The following KAZN variants were observed in gnomAD, a reference collection of about 807,000 sequenced individuals.
KAZN encodes the protein kazrin.
In KAZN, 40 loss-of-function variants were observed where a neutral mutation model predicts 87.4. The observed-to-expected ratio is 0.46, with a 90% confidence interval of 0.36 to 0.60. The LOEUF is 0.60. Among genes scored for constraint, KAZN ranks in the 20% least tolerant of loss-of-function variants. KAZN has a pLI of 0.00. For missense variants in KAZN, 898 were observed against 1,073.9 expected (o/e 0.84, Z 2.29); for synonymous variants, 466 against 458.3 (o/e 1.02, Z -0.22).
chr1:14,658,603 T>C (rs1280444434), intron 1 of KAZN, among the ~76,000 whole-genome samples: 2 of 151,962 alleles, frequency 1.3e-5, no homozygotes, highest in East Asian at 3.9e-4. Context: ...ACTTGGAAAA[T>C]ATATGTATAT....
intron 2 of KAZN, chr1:14,349,217 T>G (rs545308925): frequency 6.6e-6 from 1 of 152,186 alleles, no homozygotes; most frequent in Admixed American, 6.5e-5. Context: ...GAGGGATACA[T>G]GGCTGGGAGC....
At chr1:13,912,972 C>T (rs116689849) in intron 1 of KAZN, among the ~76,000 whole-genome samples, 3,966 of 152,212 alleles carry the variant, frequency 0.026, 171 homozygotes, top group African/African-American at 0.089. Context: ...AAAACCTGGG[C>T]GGGGACCAGG....
At chr1:14,339,668 G>A (rs968789000) in intron 2 of KAZN, among the ~76,000 whole-genome samples, 2 of 152,154 alleles carry the variant, frequency 1.3e-5, no homozygotes, top group African/African-American at 4.8e-5. Context: ...GCCTTCAACT[G>A]ACTGAATTAG....
intron 2 of KAZN, 117 bp downstream of exon 2, chr1:14,960,992 T>G: frequency 9.2e-7 from 1 of 1,082,490 alleles, no homozygotes; most frequent in Non-Finnish European, 1.3e-6. Flanking sequence ...AGCACCCACC[T>G]CCAGCTGTGG....
At chr1:14,374,438 C>G (rs564342553) in intron 2 of KAZN, among the ~76,000 whole-genome samples, 13 of 152,208 alleles carry the variant, frequency 8.5e-5, no homozygotes, top group African/African-American at 2.4e-4. Context: ...CCCCTTCAGG[C>G]AAGGATGAGG....
intron 2 of KAZN, among the ~76,000 whole-genome samples, chr1:14,372,781 C>A (rs555870593): frequency 6.2e-4 from 94 of 152,330 alleles, no homozygotes; most frequent in African/African-American, 2.2e-3. Flanking sequence ...TATTCACTCA[C>A]AATACATGTA....
chr1:15,110,570 T>C (rs1641568565), intron 13 of KAZN, among the ~76,000 whole-genome samples: 1 of 152,136 alleles, frequency 6.6e-6, no homozygotes, highest in Non-Finnish European at 1.5e-5. Flanking sequence ...TGTGTGTGTA[T>C]CCTCTCATTT....
chr1:14,345,907 A>G (rs561898375), intron 2 of KAZN, among the ~76,000 whole-genome samples: 102 of 152,322 alleles, frequency 6.7e-4, no homozygotes, highest in Non-Finnish European at 9.8e-4. Context: ...AGCAAAAAGA[A>G]GTTCTCTCAG....
At chr1:13,917,755 C>G (rs561000755) in intron 1 of KAZN, among the ~76,000 whole-genome samples, 29 of 136,064 alleles carry the variant, frequency 2.1e-4, no homozygotes, top group Admixed American at 2.0e-3. Context: ...TGTGTTTACA[C>G]GACAGCACTC....
intron 2 of KAZN, among the ~76,000 whole-genome samples, chr1:14,586,551 T>C (rs1284066644): frequency 7.1e-6 from 1 of 140,008 alleles, no homozygotes; most frequent in Non-Finnish European, 1.5e-5. Flanking sequence ...TTTTTAGAGA[T>C]AGAGTCTTAT....
chr1:14,094,679 C>A lies in KAZN; in HGVS notation c.92-85756C>A, dbSNP rs141691186. Reference sequence around the variant, plus strand: ...CCAACCCCACAAAATCTATATATTTCTATGTATCTGTATTTATGGAATCTT... The same window carrying A: ...CCAACCCCACAAAATCTATATATTTATATGTATCTGTATTTATGGAATCTT... On this transcript the variant is annotated intron_variant, in intron 1 of 16. Transcript: ENST00000636203. Among the ~76,000 whole-genome samples the A allele has an allele frequency of 2.1e-3, 324 of 152,266 alleles. 1 individual carries two copies. The highest frequency in any genetic ancestry group is 7.1e-3 in the African/African-American group (295 of 41,566).
At chr1:14,137,861 A>T (rs991946296) in intron 1 of KAZN, among the ~76,000 whole-genome samples, 3 of 152,002 alleles carry the variant, frequency 2.0e-5, no homozygotes, top group Non-Finnish European at 4.4e-5. Context: ...GGCTTGTGCC[A>T]CCACGCCCAG....
intron 1 of KAZN, among the ~76,000 whole-genome samples, chr1:13,979,755 C>T (rs548170126): frequency 2.0e-5 from 3 of 151,962 alleles, no homozygotes; most frequent in East Asian, 1.9e-4. Flanking sequence ...GGTGAAACCC[C>T]GTCTCTACTA....
At chr1:13,985,676 C>T (rs1638984948) in intron 1 of KAZN, among the ~76,000 whole-genome samples, 1 of 151,858 alleles carries the variant, frequency 6.6e-6, no homozygotes, top group Non-Finnish European at 1.5e-5. Flanking sequence ...ACAGTCACTG[C>T]CCATTTTCCT....
At chr1:14,985,827 C>A (rs1666752929) in intron 2 of KAZN, among the ~76,000 whole-genome samples, 1 of 151,738 alleles carries the variant, frequency 6.6e-6, no homozygotes, top group Non-Finnish European at 1.5e-5. Context: ...CATAGTGAAA[C>A]CCTCATCTCT....
rs114217053 is a variant in KAZN at position 14,616,082 on chromosome 1, C to T, written c.226+16859C>T. ...AGTGCCCATGTGGGTTATGGAATGA[C>T]GCAATGCCTATACAATCCAGGAAGG... On this transcript the variant is annotated intron_variant, in intron 1 of 14. Transcript: ENST00000376030. Among the ~76,000 whole-genome samples, 765 of 152,248 alleles carry T rather than the reference C, an allele frequency of 5.0e-3. 13 individuals are homozygous for T. Among genetic ancestry groups the T allele is most frequent in the African/African-American group, 0.018 (730 of 41,534 alleles).
intron 8 of KAZN, among the ~76,000 whole-genome samples, chr1:15,068,787 A>G (rs1006544472): frequency 2.0e-5 from 3 of 152,050 alleles, no homozygotes; most frequent in East Asian, 3.9e-4. Flanking sequence ...CTCAATCTCT[A>G]TATCTCCCAA....
At chr1:14,452,385 C>T (rs1271609334) in intron 2 of KAZN, among the ~76,000 whole-genome samples, 1 of 152,198 alleles carries the variant, frequency 6.6e-6, no homozygotes, top group Non-Finnish European at 1.5e-5. Flanking sequence ...CATTACACAT[C>T]TAGTCACTTT....
chr1:14,569,320 C>CTTTGTTTTTT (rs1674720175), intron 2 of KAZN, among the ~76,000 whole-genome samples: 1 of 92,328 alleles, frequency 1.1e-5, no homozygotes, highest in Admixed American at 1.5e-4. Context: ...ACTTCCTCTG[C>CTTTGTTTTTT]TTTTTTTTTT....
Sources: gnomAD v4.1 joint callset for allele counts (sites outside exome capture counted in the v4.1 genomes callset) on GRCh38, gnomAD v4.1.1 for gene constraint, MANE v1.5 for transcripts, NCBI Gene and HGNC (gene_info 2026-07-23, HGNC 2026-07-21) for gene names.